RGS12: variants seen among roughly 807,000 people sequenced by gnomAD.
The protein encoded by RGS12 is regulator of G-protein signaling 12.
A neutral mutation model predicts 120.1 loss-of-function variants in RGS12; 66 were observed. The observed-to-expected ratio is 0.55, with a 90% CI of 0.45 to 0.67. The LOEUF (loss-of-function observed/expected upper bound fraction) is 0.67, where lower values mean the gene tolerates loss of function less well. Among genes scored for constraint, RGS12 ranks in the 30% least tolerant of loss-of-function variants. The pLI, the probability that RGS12 is intolerant of heterozygous loss-of-function variation, is 0.00. For missense variants in RGS12, 1,859 were observed against 1,957.7 expected (o/e 0.95, Z 0.95); for synonymous variants, 827 against 804.7 (o/e 1.03, Z -0.47).
intron 10 of RGS12, 50 bp downstream of exon 10, chr4:3,420,768 A>T (rs1233371896): frequency 3.4e-6 from 5 of 1,454,036 alleles, no homozygotes; most frequent in Middle Eastern, 1.7e-4. Flanking sequence ...TGTCCCCACC[A>T]GCTGACTGAT....
Position 3,372,639 on chromosome 4 carries a change from AC to A in RGS12, c.1999-13776del, listed in dbSNP as rs1717151083. Among the ~76,000 whole-genome samples, 1 of 152,190 alleles carries A rather than the reference AC, an allele frequency of 6.6e-6. No homozygotes were observed. On this transcript the variant is annotated intron_variant, in intron 3 of 17. Transcript: ENST00000336727. This position sits in a 1 kb window ranked among gnomAD's most constrained non-coding sequence, Gnocchi z 4.3. ...GCGGCCATCAGGGTGTGGTTTTGTG[AC>A]GTCTCAGGGTGTCCTTTCTTTCCTT...
chr4:3,357,951 CATCTT>C (rs1715043735), intron 3 of RGS12, among the ~76,000 whole-genome samples: 1 of 152,164 alleles, frequency 6.6e-6, no homozygotes, highest in African/African-American at 2.4e-5. Flanking sequence ...GGAGTATTGA[CATCTT>C]AACTATATCA....
intron 2 of RGS12, among the ~76,000 whole-genome samples, chr4:3,330,088 A>T (rs999981108): frequency 6.6e-6 from 1 of 152,206 alleles, no homozygotes; most frequent in Non-Finnish European, 1.5e-5. Flanking sequence ...CAGATTTCAC[A>T]TGGGAGGTCT....
At chr4:3,425,111 T>G (rs1183507389) in intron 13 of RGS12, among the ~76,000 whole-genome samples, 5 of 152,370 alleles carry the variant, frequency 3.3e-5, no homozygotes, top group Middle Eastern at 6.8e-3. Flanking sequence ...CTTTGCTTCC[T>G]TGTTTACAAA....
intron 2 of RGS12, among the ~76,000 whole-genome samples, chr4:3,335,797 G>A (rs1385347674): frequency 6.6e-6 from 1 of 151,890 alleles, no homozygotes; most frequent in Non-Finnish European, 1.5e-5. Context: ...CTAAAAATTC[G>A]AAAAAAACTG....
chr4:3,321,268 C>T (rs1725167220), intron 2 of RGS12, among the ~76,000 whole-genome samples: 1 of 152,166 alleles, frequency 6.6e-6, no homozygotes. Context: ...AGAGTAGGGG[C>T]CTTATCTGAC....
Position 3,433,797 on chromosome 4 carries a change from C to T in RGS12, c.4114+2842C>T, listed in dbSNP as rs554032916. On this transcript the variant is annotated intron_variant, in intron 17 of 17. Coordinates refer to ENST00000336727, the MANE Select transcript of RGS12 (RefSeq NM_001394154.1). This position sits in a 1 kb window ranked among gnomAD's most constrained non-coding sequence, Gnocchi z 4.4. ...GTCTGTCTAGCCCCAGCACCACGCA[C>T]CGAGACCGAGACCATGCACCATGCA... Among the ~76,000 whole-genome samples the T allele has an allele frequency of 6.6e-6, 1 of 152,380 alleles. No individual in the cohort carries two copies. Among genetic ancestry groups the T allele is most frequent in the African/African-American group, 2.4e-5 (1 of 41,600 alleles).
Position 3,317,123 on chromosome 4 carries a change from A to G in RGS12, c.953A>G (p.Gln318Arg), listed in dbSNP as rs1478449892. The change falls in exon 2 of 18, where the codon CAG becomes CGG. Residue 318 changes from glutamine (Q) to arginine (R), a missense_variant. By Grantham distance (43) the Gln-to-Arg change is conservative. Transcript: ENST00000336727. ...CGATTTTTCGGGTTGGTTACCATGC[A>G]GACGAATGACGACGGGAGCCTGGCC... is the stretch of plus-strand genomic sequence containing the variant. The part of the protein sequence containing the change: ...DRRFFGLVTM[Q>R]TNDDGSLAQE... 1.2e-6 allele frequency: 2 copies of G among 1,613,792 alleles called. No homozygotes were observed. The highest frequency in any genetic ancestry group is 1.7e-6 in the Non-Finnish European group (2 of 1,180,038).
chr4:3,370,144 G>T, intron 3 of RGS12: 1 of 1,533,098 alleles, frequency 6.5e-7, no homozygotes, highest in Non-Finnish European at 8.8e-7. Flanking sequence ...TGTTGCCATG[G>T]GTTACGAAGG....
At chr4:3,404,962 G>C (rs1036786496) in intron 4 of RGS12, among the ~76,000 whole-genome samples, 1 of 152,174 alleles carries the variant, frequency 6.6e-6, no homozygotes, top group African/African-American at 2.4e-5. Flanking sequence ...GAGGACACAT[G>C]AGCAGGATAC....
chr4:3,301,907 A>G (rs1429645175), intron 1 of RGS12, among the ~76,000 whole-genome samples: 1 of 152,142 alleles, frequency 6.6e-6, no homozygotes, highest in African/African-American at 2.4e-5. Flanking sequence ...CTTGCCAGGT[A>G]CAGTGTTGCC....
chr4:3,366,410 C>G lies in RGS12; in HGVS notation c.1999-20006C>G, dbSNP rs144173715. Among the ~76,000 whole-genome samples, 137 of 152,212 alleles carry G rather than the reference C, an allele frequency of 9.0e-4. No homozygotes were observed. In the Middle Eastern group the frequency reaches 0.027, roughly 30 times the overall value. On this transcript the variant is annotated intron_variant, in intron 3 of 17. Coordinates refer to ENST00000336727, the MANE Select transcript of RGS12 (RefSeq NM_001394154.1). This position sits in a 1 kb window ranked among gnomAD's most constrained non-coding sequence, Gnocchi z 4.0. ...CCAGGGTTAAGAGCAGGGAGAGAAT[C>G]AGGGCCTGTGCTCATATCTGTGAGC...
rs549427956 is a variant in RGS12, at chr4:3,316,260, C to T, written c.90C>T (p.Ala30=). 31 of 1,613,672 alleles carry T rather than the reference C, an allele frequency of 1.9e-5. No homozygotes were observed. The highest frequency in any genetic ancestry group is 1.7e-4 in the Middle Eastern group (1 of 6,060). Residue 30 remains alanine (A), a synonymous_variant, in exon 2 of 18, where the codon GCC becomes GCT. Transcript: ENST00000336727. The part of the protein sequence containing the change: ...VRSVEVARGR[A]GYGFTLSGQA... The stretch of plus-strand genomic sequence containing the variant: ...GTGTGGAGGTTGCCCGGGGGAGGGC[C>T]GGCTACGGATTCACGCTTTCGGGAC...
rs141297903 is a variant in RGS12 at position 3,307,363 on chromosome 4, G to A, written c.-101-8707G>A. 1.1e-3 allele frequency among the ~76,000 whole-genome samples: 162 copies of A among 152,354 alleles called. 1 individual carries two copies. Among genetic ancestry groups the A allele is most frequent in the African/African-American group, 3.7e-3 (153 of 41,584 alleles). ...GGTCCGTCTCCACCAAGCCAGCCTG[G>A]GGTGGGATGCTGTGGGTCTGAAGAG... On this transcript the variant is annotated intron_variant, in intron 1 of 17. Transcript: ENST00000336727.
intron 17 of RGS12, chr4:3,431,244 T>TA (rs1724272261): frequency 7.7e-7 from 1 of 1,295,954 alleles, no homozygotes. Flanking sequence ...CAGCGAGGTC[T>TA]GGGAACACCC....
At chr4:3,416,580 G>C (rs1057086466) in intron 7 of RGS12, among the ~76,000 whole-genome samples, 1 of 152,234 alleles carries the variant, frequency 6.6e-6, no homozygotes, top group Non-Finnish European at 1.5e-5. Context: ...GCAGTCTACT[G>C]TAAGATTTCT....
intron 17 of RGS12, 107 bp from the exon 18 acceptor site, chr4:3,439,348 G>A: frequency 8.9e-7 from 1 of 1,126,294 alleles, no homozygotes; most frequent in Non-Finnish European, 1.3e-6. Context: ...GGATATTTCA[G>A]GGACCCCTAC....
chr4:3,311,281 G>T (rs2110386759), intron 1 of RGS12, among the ~76,000 whole-genome samples: 1 of 152,342 alleles, frequency 6.6e-6, no homozygotes. Flanking sequence ...CTGCATCGTA[G>T]CTCAGGCCTA....
rs143650748 is a variant in RGS12, at chr4:3,414,190, C to T, written c.2139C>T (p.Ala713=). 2.6e-5 allele frequency: 40 copies of T among 1,551,334 alleles called. 1 individual carries two copies. Among genetic ancestry groups the T allele is most frequent in the African/African-American group, 2.4e-4 (18 of 73,652 alleles). Residue 713 remains alanine, a synonymous_variant, in exon 5 of 18, where the codon GCC becomes GCT. Transcript: ENST00000336727. ...GTGAGAGGAGGGTCGCCAGCTGGGCCGTGTCCTTTGAGCGCCTGCTGCAGG... is the reference window on the plus strand; with the variant it reads ...GTGAGAGGAGGGTCGCCAGCTGGGCTGTGTCCTTTGAGCGCCTGCTGCAGG... ...RLRERRVASW[A]VSFERLLQDP... is the part of the protein sequence containing the mutation.
Sources: gnomAD v4.1 joint callset for allele counts (sites outside exome capture counted in the v4.1 genomes callset) on GRCh38, gnomAD v4.1.1 for gene constraint, Gnocchi (gnomAD v3.1) non-coding constraint, MANE v1.5 for transcripts, NCBI Gene and HGNC (gene_info 2026-07-23, HGNC 2026-07-21) for gene names.